The following ATP2A3 variants were observed in gnomAD, a reference collection of about 807,000 sequenced individuals.
ATP2A3 encodes the protein sarcoplasmic/endoplasmic reticulum calcium ATPase 3.
ATP2A3 carries 61 observed loss-of-function variants against 106.8 expected under a neutral mutation model. The observed-to-expected ratio is 0.57, with a 90% CI of 0.46 to 0.71. The LOEUF is 0.71. Among genes scored for constraint, ATP2A3 ranks in the 30% least tolerant of loss-of-function variants. ATP2A3 has a pLI of 0.00. For synonymous variants in ATP2A3, 611 were observed against 609.3 expected (o/e 1.00, Z -0.04); for missense variants, 1,201 against 1,423.5 (o/e 0.84, Z 2.52).
intron 1 of ATP2A3, among the ~76,000 whole-genome samples, chr17:3,959,479 C>A (rs1326292745): frequency 6.6e-6 from 1 of 152,208 alleles, no homozygotes; most frequent in East Asian, 1.9e-4. Context: ...AGCCCACAGT[C>A]CAGAGCCAGG....
intron 5 of ATP2A3, among the ~76,000 whole-genome samples, 192 bp downstream of exon 5, chr17:3,951,059 C>T (rs2054391867): frequency 6.6e-6 from 1 of 151,962 alleles, no homozygotes; most frequent in South Asian, 2.1e-4. Flanking sequence ...AGGAGGAGGC[C>T]CCTACAGAAG....
At position 3,925,635 on chromosome 17, in the gene ATP2A3, C is replaced by T. The variant is rs953051484; in HGVS notation, c.2981-194G>A. ...CTGCATCCAGGATCCATCCCCGCAA[C>T]GTCCCCCACGCCTCCTTCACTCCAC... On this transcript the variant is annotated intron_variant, in intron 20 of 20. Transcript: ENST00000397041. The surrounding 1 kb of genome is among the most constrained non-coding windows in gnomAD (Gnocchi z 4.2). Among the ~76,000 whole-genome samples, 5 of 151,156 alleles carry T rather than the reference C, an allele frequency of 3.3e-5. No homozygotes were observed. The highest frequency in any genetic ancestry group is 2.1e-4 in the South Asian group (1 of 4,780).
Position 3,958,226 on chromosome 17 carries a change from C to T in ATP2A3, c.119-4516G>A, listed in dbSNP as rs546813575. ...AAATGTAAGTACCTCACAGGGATGC[C>T]GGAAGATTGAACGGCATGCATAAAG... On this transcript the variant is annotated intron_variant, in intron 1 of 20. Transcript: ENST00000397041. 4.6e-5 allele frequency among the ~76,000 whole-genome samples: 7 copies of T among 152,294 alleles called. No individual in the cohort carries two copies. In the South Asian group the frequency reaches 8.3e-4, roughly 18 times the overall value.
At chr17:3,945,016 G>A (rs904968819) in intron 9 of ATP2A3, 44 bp downstream of exon 9, 20 of 1,456,206 alleles carry the variant, frequency 1.4e-5, no homozygotes, top group African/African-American at 3.0e-5. Flanking sequence ...GCGTGGCCCC[G>A]CCCCCAGGCC....
chr17:3,942,106 A>G (rs1233602059), intron 12 of ATP2A3, among the ~76,000 whole-genome samples: 1 of 151,988 alleles, frequency 6.6e-6, no homozygotes, highest in East Asian at 1.9e-4. Flanking sequence ...TAGCCCTGGG[A>G]AGGGGGTCCA....
Position 3,945,061 on chromosome 17 carries a change from C to G in ATP2A3, c.1183G>C (p.Val395Leu). 1.3e-6 allele frequency: 2 copies of G among 1,541,874 alleles called. No individual in the cohort carries two copies. Among genetic ancestry groups the G allele is most frequent in the Non-Finnish European group, 1.7e-6 (2 of 1,142,908 alleles). ...SGTTYTPEGE[V>L]RQGDQPVRCG... ...CGCGTCCCCTGGCCCCGCACTCACA[C>G]TTCGCCCTCGGGGGTATACGTGGTA... The change falls in exon 9 of 21, where the codon GTG (valine) becomes CTG (leucine). Residue 395 changes from valine to leucine, a missense_variant and splice_region_variant. By Grantham distance (32) the Val-to-Leu change is conservative. Coordinates refer to ENST00000397041, the MANE Select transcript of ATP2A3 (RefSeq NM_005173.4).
At chr17:3,960,397 G>A (rs1036807774) in intron 1 of ATP2A3, among the ~76,000 whole-genome samples, 3 of 152,370 alleles carry the variant, frequency 2.0e-5, no homozygotes, top group South Asian at 2.1e-4. Context: ...GGGCCAAGGC[G>A]CTCACTGCAC....
chr17:3,941,162 G>A lies in ATP2A3; in HGVS notation c.1909C>T (p.Arg637Cys). 3 of 1,614,138 alleles carry A rather than the reference G, an allele frequency of 1.9e-6. No individual in the cohort carries two copies. The highest frequency in any genetic ancestry group is 2.5e-6 in the Non-Finnish European group (3 of 1,180,008). The change falls in exon 14 of 21, where the codon CGC becomes TGC. Residue 637 changes from arginine (R) to cysteine (C), a missense_variant. Physicochemically the swap from Arg to Cys is radical, Grantham distance 180 (BLOSUM62 -3). Transcript: ENST00000397041. ...GTGTCCCCAAAGATGCCAAGCCTGCGGCAGATGGCCACGGCAGTGCCTTTG... is the reference window on the plus strand; with the variant it reads ...GTGTCCCCAAAGATGCCAAGCCTGCAGCAGATGGCCACGGCAGTGCCTTTG... Reference protein sequence around the residue: ...DNKGTAVAICRRLGIFGDTED... With the variant: ...DNKGTAVAICCRLGIFGDTED...
chr17:3,952,766 A>AT (rs1020164004), intron 3 of ATP2A3, among the ~76,000 whole-genome samples: 112 of 151,992 alleles, frequency 7.4e-4, no homozygotes, highest in African/African-American at 2.5e-3. Flanking sequence ...ATGTTTTTGT[A>AT]TTTTTTGTAG....
At position 3,936,836 on chromosome 17, in the gene ATP2A3, A is replaced by T; in HGVS notation, c.2322-367T>A. ...CACACCATCCGGCAAACACAAGCAAACACCTACATATCTGCCCTGAGGTGC... is the reference window on the plus strand; with the variant it reads ...CACACCATCCGGCAAACACAAGCAATCACCTACATATCTGCCCTGAGGTGC... On this transcript the variant is annotated intron_variant, in intron 15 of 20. Transcript: ENST00000397041. The surrounding 1 kb of genome is among the most constrained non-coding windows in gnomAD (Gnocchi z 5.4). 2.8e-6 allele frequency: 1 copy of T among 363,002 alleles called. No homozygotes were observed. The highest frequency in any genetic ancestry group is 2.4e-5 in the South Asian group (1 of 41,878). 22.5% of individuals were successfully genotyped at this position (363,002 alleles called of 1,614,324 possible). A position where few individuals can be genotyped will look rare whatever the true frequency, so the allele number is the denominator to read the frequency against.
At position 3,944,816 on chromosome 17, in the gene ATP2A3, C is replaced by G. The variant is rs749758771; in HGVS notation, c.1185-10G>C. 2 of 1,603,906 alleles carry G rather than the reference C, an allele frequency of 1.2e-6. No homozygotes were observed. Among genetic ancestry groups the G allele is most frequent in the Non-Finnish European group, 1.7e-6 (2 of 1,175,282 alleles). On this transcript the variant is annotated splice_polypyrimidine_tract_variant and intron_variant, in intron 9 of 20. Transcript: ENST00000397041. ...CTGATCCCCCTGCCGCCTGCGGAGC[C>G]GGGGCGGTCACCAGGAGGACCTCGG...
At chr17:3,960,806 C>T (rs1328088759) in intron 1 of ATP2A3, among the ~76,000 whole-genome samples, 3 of 152,152 alleles carry the variant, frequency 2.0e-5, no homozygotes, top group African/African-American at 4.8e-5. Flanking sequence ...TGACAGCTGA[C>T]GACACTGAAA....
intron 1 of ATP2A3, among the ~76,000 whole-genome samples, chr17:3,958,568 G>A (rs1015097520): frequency 1.1e-4 from 16 of 151,772 alleles, no homozygotes; most frequent in African/African-American, 3.9e-4. Context: ...CTGTCCCTCT[G>A]TTAGCCAAGC....
Position 3,937,607 on chromosome 17 carries a change from G to T in ATP2A3, c.2130C>A (p.Ala710=). Residue 710 remains alanine (A), a synonymous_variant, in exon 15 of 21, where the codon GCC becomes GCA. Coordinates refer to ENST00000397041, the MANE Select transcript of ATP2A3 (RefSeq NM_005173.4). ...CGATGCCGATCTCTGCTTTCTTCAG[G>T]GCTGGTGCGTCGTTCACTCCATCGC... ...MTGDGVNDAP[A]LKKAEIGIAM... 1 of 1,613,954 alleles carries T rather than the reference G, an allele frequency of 6.2e-7. No homozygotes were observed. Among genetic ancestry groups the T allele is most frequent in the South Asian group, 1.1e-5 (1 of 91,076 alleles).
At chr17:3,962,889 C>A (rs1043412782) in intron 1 of ATP2A3, among the ~76,000 whole-genome samples, 2 of 152,194 alleles carry the variant, frequency 1.3e-5, no homozygotes, top group Admixed American at 1.3e-4. Context: ...TCGCCCCCAG[C>A]CCACCCCAGG....
chr17:3,941,248 G>A lies in ATP2A3; in HGVS notation c.1823C>T (p.Ala608Val). 6.2e-7 allele frequency: 1 copy of A among 1,614,030 alleles called. No individual in the cohort carries two copies. The highest frequency in any genetic ancestry group is 8.5e-7 in the Non-Finnish European group (1 of 1,180,012). Residue 608 changes from alanine to valine, a missense_variant, in exon 14 of 21, where the codon GCT becomes GTT. Ala to Val is a moderately conservative substitution (Grantham distance 64). Transcript: ENST00000397041. Reference sequence around the variant, plus strand: ...CTGGTAGCAGCGTGTGATGCAGGCAGCCACCTCAGGTCGCGGCGGGTCCAG... The same window carrying A: ...CTGGTAGCAGCGTGTGATGCAGGCAACCACCTCAGGTCGCGGCGGGTCCAG... ...GMLDPPRPEVAACITRCYQAG... is the reference protein window; with the variant it reads ...GMLDPPRPEVVACITRCYQAG...
intron 17 of ATP2A3, among the ~76,000 whole-genome samples, chr17:3,933,547 C>T (rs2053240671): frequency 6.6e-6 from 1 of 151,138 alleles, no homozygotes; most frequent in Non-Finnish European, 1.5e-5. Context: ...ACCATCCTGG[C>T]CAACATGGTG....
At position 3,951,590 on chromosome 17, in the gene ATP2A3, G is replaced by A. The variant is rs769927408; in HGVS notation, c.315C>T (p.Gly105=). 2.8e-6 allele frequency: 3 copies of A among 1,053,980 alleles called. No individual in the cohort carries two copies. Among genetic ancestry groups the A allele is most frequent in the South Asian group, 1.4e-5 (1 of 69,774 alleles). The allele number at this position is 1,053,980 out of a possible 1,614,324, so 65.3% of individuals were successfully genotyped here. Residue 105 remains glycine, a synonymous_variant, in exon 4 of 21, where the codon GGC becomes GGT. Coordinates refer to ENST00000397041, the MANE Select transcript of ATP2A3 (RefSeq NM_005173.4). Reference sequence around the variant, plus strand: ...CCCCAGTGCCTCCCACCTGCCACACGCCCACAATGGCGTTGGCCACGAGGA... The same window carrying A: ...CCCCAGTGCCTCCCACCTGCCACACACCCACAATGGCGTTGGCCACGAGGA... ...MLILVANAIV[G]VWQERNAESA...
chr17:3,947,273 G>T lies in ATP2A3; in HGVS notation c.1095+118C>A. The stretch of plus-strand genomic sequence containing the variant: ...AAACCTGGACCTGCTCTGGGCCAAG[G>T]GACAGCCCACAGATTCTCTCCTCCA... On this transcript the variant is annotated intron_variant, in intron 8 of 20. Transcript: ENST00000397041. The surrounding 1 kb of genome is among the most constrained non-coding windows in gnomAD (Gnocchi z 7.7). The T allele has an allele frequency of 1.6e-6, 2 of 1,276,220 alleles. No individual in the cohort carries two copies. Among genetic ancestry groups the T allele is most frequent in the Non-Finnish European group, 2.2e-6 (2 of 899,572 alleles). 79.1% of individuals were successfully genotyped at this position (1,276,220 alleles called of 1,614,324 possible).
Sources: allele counts gnomAD v4.1 joint callset (sites outside exome capture counted in the v4.1 genomes callset), GRCh38; gene constraint gnomAD v4.1.1; non-coding constraint Gnocchi (gnomAD v3.1); transcripts MANE v1.5; gene names NCBI Gene and HGNC (gene_info 2026-07-23, HGNC 2026-07-21).